Variants in PHF12 observed in about 807,000 individuals in gnomAD.
PHF12 encodes PHD finger protein 12.
In PHF12, 6 loss-of-function variants were observed where a neutral mutation model predicts 99.8. The ratio of observed to expected loss-of-function variants is 0.06; its 90% CI spans 0.03 to 0.12. The LOEUF is 0.12. PHF12 is among the 10% of genes least tolerant of loss of function. The probability of loss-of-function intolerance (pLI) is 1.00; values close to 1 mark genes in which losing one functional copy is unlikely to be tolerated. For synonymous variants in PHF12, 480 were observed against 514.9 expected (o/e 0.93, Z 0.92); for missense variants, 954 against 1,300.1 (o/e 0.73, Z 4.09).
At chr17:28,918,245 AG>A (rs1300849930) in intron 6 of PHF12, among the ~76,000 whole-genome samples, 2 of 152,244 alleles carry the variant, frequency 1.3e-5, no homozygotes, top group East Asian at 3.8e-4. Flanking sequence ...CTCAACTGCT[AG>A]AAAGCTGCTC....
intron 6 of PHF12, 57 bp downstream of exon 6, chr17:28,919,086 A>G (rs1255775929): frequency 6.5e-7 from 1 of 1,545,084 alleles, no homozygotes; most frequent in East Asian, 2.3e-5. Flanking sequence ...CTTTCTGCTA[A>G]TCAGTCCACG....
At chr17:28,914,671 C>CA (rs61203588) in intron 7 of PHF12, among the ~76,000 whole-genome samples, 6,536 of 30,196 alleles carry the variant, frequency 0.22, 1,840 homozygotes, top group Non-Finnish European at 0.26. Flanking sequence ...GACTCCGTCT[C>CA]AAAAAAAAAA....
Position 28,911,093 on chromosome 17 carries a change from C to G in PHF12, c.2215+19G>C, listed in dbSNP as rs761132648. On this transcript the variant is annotated intron_variant, in intron 10 of 14. Coordinates refer to ENST00000332830, the MANE Select transcript of PHF12 (RefSeq NM_001033561.2). ...TTCAACATAGCAAACGGTGGAACAGCAGCAGCTCATTCACTCACCTCCATT... is the reference window on the plus strand; with the variant it reads ...TTCAACATAGCAAACGGTGGAACAGGAGCAGCTCATTCACTCACCTCCATT... 1.2e-6 allele frequency: 2 copies of G among 1,613,964 alleles called. No individual in the cohort carries two copies. The highest frequency in any genetic ancestry group is 2.2e-5 in the East Asian group (1 of 44,870).
Position 28,906,688 on chromosome 17 carries a change from A to G in PHF12, c.2680+168T>C, listed in dbSNP as rs1375109477. The G allele has an allele frequency of 8.3e-7, 1 of 1,209,268 alleles. No homozygotes were observed. Among genetic ancestry groups the G allele is most frequent in the Non-Finnish European group, 1.1e-6 (1 of 874,342 alleles). The allele number at this position is 1,209,268 out of a possible 1,614,324, so 74.9% of individuals were successfully genotyped here. A position where few individuals can be genotyped will look rare whatever the true frequency, so the allele number is the denominator to read the frequency against. On this transcript the variant is annotated intron_variant, in intron 14 of 14. Coordinates refer to ENST00000332830, the MANE Select transcript of PHF12 (RefSeq NM_001033561.2). The surrounding 1 kb of genome is among the most constrained non-coding windows in gnomAD (Gnocchi z 4.2). ...CTGAAGTCCCCACAGGTGTGTACAC[A>G]CATGGGGGTACTCAGCACTTGCTTC...
At chr17:28,941,495 G>A (rs17721600) in intron 2 of PHF12, among the ~76,000 whole-genome samples, 5,667 of 152,240 alleles carry the variant, frequency 0.037, 153 homozygotes, top group Middle Eastern at 0.072. Flanking sequence ...CAAATACACA[G>A]GTGAGTTTGC....
At chr17:28,917,770 C>G (rs2040089088) in intron 6 of PHF12, among the ~76,000 whole-genome samples, 1 of 152,224 alleles carries the variant, frequency 6.6e-6, no homozygotes, top group Admixed American at 6.5e-5. Flanking sequence ...AGAGAAGCCT[C>G]TGTCAGGGCC....
At chr17:28,946,758 G>C (rs758736234) in intron 2 of PHF12, among the ~76,000 whole-genome samples, 2 of 152,144 alleles carry the variant, frequency 1.3e-5, no homozygotes, top group Non-Finnish European at 2.9e-5. Context: ...GACTGGTCTT[G>C]AACTCCTGGC....
chr17:28,919,248 C>G lies in PHF12; in HGVS notation c.864G>C (p.Gln288His). The G allele has an allele frequency of 6.2e-7, 1 of 1,614,186 alleles. No individual in the cohort carries two copies. The highest frequency in any genetic ancestry group is 8.5e-7 in the Non-Finnish European group (1 of 1,180,028). Residue 288 changes from glutamine to histidine, a missense_variant, in exon 6 of 15, where the codon CAG becomes CAC. Around this residue, in one of 8 missense-constraint regions of PHF12, gnomAD observed 85 missense variants for 196.6 expected, o/e 0.43. Transcript: ENST00000332830. ...GAAACAGGAGAGGGCAATAGTCACA[C>G]TGGATGAGAGGAGCCACACGGCAAC... ...NRSCRVAPLI[Q>H]CDYCPLLFHM...
At position 28,913,035 on chromosome 17, in the gene PHF12, G is replaced by A; in HGVS notation, c.1536C>T (p.His512=). ...TQNSLSCSPP[H]QSPALEDIGC... is the part of the protein sequence containing the mutation. Reference sequence around the variant, plus strand: ...CGATGTCCTCTAGGGCTGGGGACTGGTGGGGTGGAGAGCAGCTCAGGGAAT... The same window carrying A: ...CGATGTCCTCTAGGGCTGGGGACTGATGGGGTGGAGAGCAGCTCAGGGAAT... Residue 512 remains histidine (H), a synonymous_variant, in exon 9 of 15, where the codon CAC becomes CAT. Transcript: ENST00000332830. 6.2e-7 allele frequency: 1 copy of A among 1,614,210 alleles called. No individual in the cohort carries two copies. Among genetic ancestry groups the A allele is most frequent in the Non-Finnish European group, 8.5e-7 (1 of 1,180,030 alleles).
At chr17:28,943,629 C>T (rs1291301446) in intron 2 of PHF12, among the ~76,000 whole-genome samples, 1 of 148,290 alleles carries the variant, frequency 6.7e-6, no homozygotes, top group Non-Finnish European at 1.5e-5. Flanking sequence ...GACTCTGTCT[C>T]AAAAAATAAA....
rs951025101 is a variant in PHF12, at chr17:28,917,543, C to T, written c.970-94G>A. On this transcript the variant is annotated intron_variant, in intron 6 of 14. Coordinates refer to ENST00000332830, the MANE Select transcript of PHF12 (RefSeq NM_001033561.2). Reference sequence around the variant, plus strand: ...TCCCTGTGTTTAAAAACTAGAAGCCCTCAGCCACATAGGTTCCCTCAATTA... The same window carrying T: ...TCCCTGTGTTTAAAAACTAGAAGCCTTCAGCCACATAGGTTCCCTCAATTA... 2.9e-6 allele frequency: 4 copies of T among 1,384,930 alleles called. No individual in the cohort carries two copies. In the Admixed American group the frequency reaches 7.4e-5, roughly 25 times the overall value. 85.8% of individuals were successfully genotyped at this position (1,384,930 alleles called of 1,614,324 possible). A position where few individuals can be genotyped will look rare whatever the true frequency, so the allele number is the denominator to read the frequency against.
rs761713296 is a variant in PHF12, at chr17:28,910,222, G to A, written c.2359+4C>T. ...GATGTGGTGACAGGTGTGTACATGCGCACCTTCTATGTGGTGCCCTCCAGA... is the reference window on the plus strand; with the variant it reads ...GATGTGGTGACAGGTGTGTACATGCACACCTTCTATGTGGTGCCCTCCAGA... On this transcript the variant is annotated splice_donor_region_variant and intron_variant, in intron 11 of 14. Coordinates refer to ENST00000332830, the MANE Select transcript of PHF12 (RefSeq NM_001033561.2). 5.0e-6 allele frequency: 8 copies of A among 1,614,060 alleles called. No individual in the cohort carries two copies. The highest frequency in any genetic ancestry group is 2.2e-5 in the East Asian group (1 of 44,896).
At position 28,924,074 on chromosome 17, in the gene PHF12, C is replaced by T. The variant is rs780290678; in HGVS notation, c.550G>A (p.Asp184Asn). ...TCATCCACGTCAATGATGTCTTCGTCGACATCATTCTGCTCAGAGGTGGGA... is the reference window on the plus strand; with the variant it reads ...TCATCCACGTCAATGATGTCTTCGTTGACATCATTCTGCTCAGAGGTGGGA... ...ETPTSEQNDVDEDIIDVDEEP... is the reference protein window; with the variant it reads ...ETPTSEQNDVNEDIIDVDEEP... The change falls in exon 4 of 15, where the codon GAC becomes AAC. Residue 184 changes from aspartate (D) to asparagine (N), a missense_variant. This residue lies in a region of PHF12 where 109 missense variants were observed against 145.4 expected (regional missense o/e 0.75). Transcript: ENST00000332830. 3 of 1,614,070 alleles carry T rather than the reference C, an allele frequency of 1.9e-6. No individual in the cohort carries two copies. The highest frequency in any genetic ancestry group is 1.3e-5 in the African/African-American group (1 of 74,930).
chr17:28,907,873 TCCCTGCCAGCTGATCTGC>T (rs2039897356), intron 12 of PHF12: 1 of 481,084 alleles, frequency 2.1e-6, no homozygotes, highest in Non-Finnish European at 3.8e-6. Flanking sequence ...AGAACAGCTG[TCCCTGCCAGCTGATCTGC>T]TTTAGAACAT....
chr17:28,910,772 G>T (rs1286957220), intron 10 of PHF12: 2 of 379,966 alleles, frequency 5.3e-6, no homozygotes, highest in East Asian at 1.2e-4. Flanking sequence ...GTTTCCCACA[G>T]ATGAGGTCCC....
chr17:28,923,380 G>A (rs1226769611), intron 4 of PHF12, among the ~76,000 whole-genome samples: 1 of 150,888 alleles, frequency 6.6e-6, no homozygotes, highest in Non-Finnish European at 1.5e-5. Flanking sequence ...TTCTGGGGCC[G>A]GGCGTGGTGA....
rs1478385265 is a variant in PHF12 at position 28,951,510 on chromosome 17, G to C, written c.-550C>G. On this transcript the variant is annotated 5_prime_UTR_variant, in exon 1 of 15. Coordinates refer to ENST00000332830, the MANE Select transcript of PHF12 (RefSeq NM_001033561.2). ...CACCCGCGCAGGCGCCCCGGGATCG[G>C]CGCTCGCCGCGCGCAACCGCAGTGA... 3.0e-5 allele frequency: 30 copies of C among 985,170 alleles called. No individual in the cohort carries two copies. The Admixed American group carries it at 3.1e-4, about 10-fold the overall frequency. The allele number at this position is 985,170 out of a possible 1,614,324, so 61.0% of individuals were successfully genotyped here.
intron 2 of PHF12, among the ~76,000 whole-genome samples, chr17:28,947,247 C>T (rs1178562692): frequency 2.0e-5 from 3 of 152,258 alleles, no homozygotes; most frequent in African/African-American, 2.4e-5. Context: ...TCCCAAAGTG[C>T]TGGGATTACA....
At chr17:28,943,326 T>C (rs898129122) in intron 2 of PHF12, among the ~76,000 whole-genome samples, 4 of 152,096 alleles carry the variant, frequency 2.6e-5, no homozygotes, top group African/African-American at 4.8e-5. Flanking sequence ...AAATGAAAAC[T>C]TGCACATAAA....
Sources: allele counts gnomAD v4.1 joint callset (sites outside exome capture counted in the v4.1 genomes callset), GRCh38; gene constraint gnomAD v4.1.1; regional missense constraint gnomAD v4.1.1; non-coding constraint Gnocchi (gnomAD v3.1); transcripts MANE v1.5; gene names NCBI Gene and HGNC (gene_info 2026-07-23, HGNC 2026-07-21).